Variants in STXBP6 observed in about 807,000 individuals in gnomAD.
STXBP6 encodes the protein syntaxin binding protein 6, also known as syntaxin-binding protein 6.
Under a neutral mutation model 26.9 loss-of-function variants are expected in STXBP6, and 21 were observed. The ratio of observed to expected loss-of-function variants is 0.78; its 90% CI spans 0.55 to 1.12. STXBP6 has a LOEUF of 1.12. STXBP6 is among the 50% of genes most tolerant of loss of function. STXBP6 has a pLI of 0.00. For synonymous variants in STXBP6, 97 were observed against 92.6 expected (o/e 1.05, Z -0.27); for missense variants, 232 against 257.9 (o/e 0.90, Z 0.69).
At chr14:25,028,567 G>C (rs1209653310) in intron 1 of STXBP6, among the ~76,000 whole-genome samples, 1 of 151,604 alleles carries the variant, frequency 6.6e-6, no homozygotes, top group Non-Finnish European at 1.5e-5. Flanking sequence ...GGTCATCCAA[G>C]AGCTCTAATG....
At chr14:24,888,907 G>T (rs1306026958) in intron 2 of STXBP6, among the ~76,000 whole-genome samples, 1 of 152,020 alleles carries the variant, frequency 6.6e-6, no homozygotes, top group Non-Finnish European at 1.5e-5. Flanking sequence ...GAGAACATTT[G>T]CATACTTGTT....
chr14:24,944,969 C>T, intron 2 of STXBP6, among the ~76,000 whole-genome samples: 1 of 151,942 alleles, frequency 6.6e-6, no homozygotes, highest in African/African-American at 2.4e-5. Context: ...CTGTTGGCAA[C>T]ATGAGAGCAA....
intron 4 of STXBP6, among the ~76,000 whole-genome samples, chr14:24,851,198 G>A (rs1324357718): frequency 1.3e-5 from 2 of 150,242 alleles, no homozygotes; most frequent in South Asian, 2.1e-4. Flanking sequence ...TGGCATACCC[G>A]TTAATCTATA....
chr14:24,923,496 T>C (rs1381681529), intron 2 of STXBP6, among the ~76,000 whole-genome samples: 2 of 152,118 alleles, frequency 1.3e-5, no homozygotes, highest in Non-Finnish European at 2.9e-5. Context: ...CCAAGCCCTA[T>C]AAGCACACCT....
intron 3 of STXBP6, among the ~76,000 whole-genome samples, 157 bp from the exon 4 acceptor site, chr14:24,856,258 T>C (rs2069330998): frequency 6.6e-6 from 1 of 152,140 alleles, no homozygotes; most frequent in Admixed American, 6.6e-5. Flanking sequence ...TACATTTCTC[T>C]GTTTATGAAG....
At chr14:24,934,125 G>A (rs1451089975) in intron 2 of STXBP6, among the ~76,000 whole-genome samples, 1 of 152,138 alleles carries the variant, frequency 6.6e-6, no homozygotes, top group Non-Finnish European at 1.5e-5. Context: ...AATCCAATGA[G>A]TGGAGCATAA....
At chr14:25,007,626 T>A (rs1010747808) in intron 1 of STXBP6, among the ~76,000 whole-genome samples, 1 of 152,256 alleles carries the variant, frequency 6.6e-6, no homozygotes, top group African/African-American at 2.4e-5. Flanking sequence ...CAGGGAATTA[T>A]GTCCATGTTG....
In STXBP6 at chr14:24,811,900, C is replaced by T. The variant is rs1288707794; in HGVS notation, c.*809G>A. 1 of 152,116 alleles carries T rather than the reference C, an allele frequency of 6.6e-6. No individual in the cohort carries two copies. The highest frequency in any genetic ancestry group is 1.5e-5 in the Non-Finnish European group (1 of 68,020). 9.4% of individuals were successfully genotyped at this position (152,116 alleles called of 1,614,324 possible). ...TATAAGCACTTTTCCATACCAGCGA[C>T]CATCACTATGACAGTGACAAGAGAA... is the stretch of plus-strand genomic sequence containing the variant. On this transcript the variant is annotated 3_prime_UTR_variant, in exon 6 of 6. Transcript: ENST00000323944.
In STXBP6 at chr14:24,819,043, C is replaced by A. The variant is rs1471632836; in HGVS notation, c.603G>T (p.Ala201=). 1 of 1,588,374 alleles carries A rather than the reference C, an allele frequency of 6.3e-7. No homozygotes were observed. The highest frequency in any genetic ancestry group is 8.6e-7 in the Non-Finnish European group (1 of 1,163,972). Residue 201 remains alanine (A), a synonymous_variant, in exon 5 of 6, where the codon GCG becomes GCT. Coordinates refer to ENST00000323944, the MANE Select transcript of STXBP6 (RefSeq NM_001394410.1). ...TGCTCCTCTCTTGGCCCACCTTGTGCGCAGTTTCTGCAAACTGCTGGGCGC... is the reference window on the plus strand; with the variant it reads ...TGCTCCTCTCTTGGCCCACCTTGTGAGCAGTTTCTGCAAACTGCTGGGCGC... ...KNSAQQFAET[A]HKLAMKHKC is the part of the protein sequence containing the mutation.
At chr14:24,881,770 T>A (rs2070365130) in intron 2 of STXBP6, among the ~76,000 whole-genome samples, 1 of 152,140 alleles carries the variant, frequency 6.6e-6, no homozygotes, top group Non-Finnish European at 1.5e-5. Context: ...CTAGCTCCAG[T>A]CATCACTCTG....
intron 1 of STXBP6, among the ~76,000 whole-genome samples, chr14:25,034,842 T>A (rs1322981319): frequency 6.6e-6 from 1 of 152,098 alleles, no homozygotes; most frequent in Non-Finnish European, 1.5e-5. Flanking sequence ...CCAAGAAGCT[T>A]ATTAAAAACT....
At chr14:24,855,191 T>A (rs2069285481) in intron 4 of STXBP6, among the ~76,000 whole-genome samples, 1 of 152,114 alleles carries the variant, frequency 6.6e-6, no homozygotes, top group Non-Finnish European at 1.5e-5. Context: ...GATCTTCATT[T>A]AACATCTGAT....
chr14:25,013,373 G>C (rs1161633739), intron 1 of STXBP6, among the ~76,000 whole-genome samples: 1 of 151,886 alleles, frequency 6.6e-6, no homozygotes, highest in African/African-American at 2.4e-5. Flanking sequence ...CTAATAAATG[G>C]AGAAATGATT....
At chr14:24,896,822 C>T (rs1485440666) in intron 2 of STXBP6, among the ~76,000 whole-genome samples, 1 of 152,060 alleles carries the variant, frequency 6.6e-6, no homozygotes, top group Non-Finnish European at 1.5e-5. Context: ...GTAGAGGAAA[C>T]CAGATGAACA....
Position 24,974,759 on chromosome 14 carries a change from C to A in STXBP6, c.60G>T (p.Leu20=), listed in dbSNP as rs1476262400. ...TCCTCCTCTTGACTTGGACAGCTCC[C>A]AGCATCCTTTCATCAAGAGGTGCAA... ...EIFAPLDERM[L]GAVQVKRRTK... The change falls in exon 2 of 6, where the codon CTG becomes CTT. Residue 20 remains leucine (L), a synonymous_variant. Coordinates refer to ENST00000323944, the MANE Select transcript of STXBP6 (RefSeq NM_001394410.1). 4 of 1,605,144 alleles carry A rather than the reference C, an allele frequency of 2.5e-6. No homozygotes were observed. The highest frequency in any genetic ancestry group is 1.7e-5 in the Admixed American group (1 of 59,342).
intron 1 of STXBP6, among the ~76,000 whole-genome samples, chr14:25,035,152 CAAAA>C (rs1168180231): frequency 1.3e-5 from 1 of 77,950 alleles, no homozygotes. Flanking sequence ...ACTCTGTCTC[CAAAA>C]AAAAAAAAAA....
intron 2 of STXBP6, among the ~76,000 whole-genome samples, chr14:24,947,118 CA>C (rs1332191106): frequency 6.6e-6 from 1 of 152,112 alleles, no homozygotes; most frequent in African/African-American, 2.4e-5. Context: ...AAAGTCTCCC[CA>C]AATAATCTAC....
intron 1 of STXBP6, among the ~76,000 whole-genome samples, chr14:24,994,110 T>C (rs905087098): frequency 6.6e-6 from 1 of 152,176 alleles, no homozygotes; most frequent in African/African-American, 2.4e-5. Context: ...CTGAAATACA[T>C]ACTTTGCTTC....
chr14:24,908,196 A>T (rs1457374021), intron 2 of STXBP6, among the ~76,000 whole-genome samples: 1 of 152,154 alleles, frequency 6.6e-6, no homozygotes, highest in African/African-American at 2.4e-5. Flanking sequence ...AAGACCTAGA[A>T]ATTATCCTTG....
Sources: gnomAD v4.1 joint callset for allele counts (sites outside exome capture counted in the v4.1 genomes callset) on GRCh38, gnomAD v4.1.1 for gene constraint, MANE v1.5 for transcripts, NCBI Gene and HGNC (gene_info 2026-07-23, HGNC 2026-07-21) for gene names.